The following IL1RL1 variants were observed in gnomAD, a reference collection of about 807,000 sequenced individuals.
IL1RL1 encodes interleukin-1 receptor-like 1.
Under a neutral mutation model 50.9 loss-of-function variants are expected in IL1RL1, and 32 were observed. The ratio of observed to expected loss-of-function variants is 0.63; its 90% CI spans 0.47 to 0.84. IL1RL1 has a LOEUF of 0.84. IL1RL1 is among the 40% of genes least tolerant of loss of function. The pLI is 0.00. For synonymous variants in IL1RL1, 275 were observed against 236.0 expected (o/e 1.17, Z -1.51); for missense variants, 773 against 662.9 (o/e 1.17, Z -1.82).
At chr2:102,323,584 A>C (rs1027598147) in intron 1 of IL1RL1, among the ~76,000 whole-genome samples, 1 of 151,960 alleles carries the variant, frequency 6.6e-6, no homozygotes, top group African/African-American at 2.4e-5. Context: ...GGGAGAGAAG[A>C]AGCAAGGGGT....
At chr2:102,352,349 C>G (rs1036437404), downstream of IL1RL1, among the ~76,000 whole-genome samples, 4 of 89,012 alleles carry the variant, frequency 4.5e-5, no homozygotes, top group Admixed American at 4.7e-4. Context: ...AATCTTGTTC[C>G]CAACATGCCA....
At chr2:102,325,096 C>T (rs561915403) in intron 1 of IL1RL1, among the ~76,000 whole-genome samples, 8 of 152,134 alleles carry the variant, frequency 5.3e-5, no homozygotes, top group Non-Finnish European at 1.0e-4. Context: ...CTGGGAGGCA[C>T]CCCCCAGTAG....
chr2:102,332,780 T>G (rs1362155789), intron 1 of IL1RL1, among the ~76,000 whole-genome samples: 1 of 152,202 alleles, frequency 6.6e-6, no homozygotes, highest in Non-Finnish European at 1.5e-5. Context: ...GTCACTAAAT[T>G]GTGCACTTCG....
At chr2:102,347,396 G>T (rs1677813203) in intron 8 of IL1RL1, among the ~76,000 whole-genome samples, 1 of 152,212 alleles carries the variant, frequency 6.6e-6, no homozygotes, top group South Asian at 2.1e-4. Context: ...AAGGCAATCT[G>T]CCTTAGTTGG....
chr2:102,322,085 T>A (rs1029167816), intron 1 of IL1RL1, among the ~76,000 whole-genome samples: 26 of 152,308 alleles, frequency 1.7e-4, no homozygotes, highest in African/African-American at 5.1e-4. Context: ...GGCCTGGCAG[T>A]CTAAAAGCTA....
At chr2:102,347,797 G>A in intron 8 of IL1RL1, 148 bp from the exon 9 acceptor site, 1 of 584,084 alleles carries the variant, frequency 1.7e-6, no homozygotes, top group South Asian at 2.1e-5. Flanking sequence ...AAATGTGACT[G>A]TCCTGGTACT....
At chr2:102,330,335 T>G (rs1677138226) in intron 1 of IL1RL1, among the ~76,000 whole-genome samples, 1 of 131,464 alleles carries the variant, frequency 7.6e-6, no homozygotes. Context: ...CACCACGGCC[T>G]GTTGTGGGGT....
intron 8 of IL1RL1, chr2:102,343,807 G>A: frequency 9.3e-7 from 1 of 1,080,268 alleles, no homozygotes; most frequent in Non-Finnish European, 1.1e-6. Flanking sequence ...TTGTAAGCAT[G>A]GTCCGTTCTA....
At chr2:102,323,854 T>C (rs1573133915) in intron 1 of IL1RL1, among the ~76,000 whole-genome samples, 1 of 152,180 alleles carries the variant, frequency 6.6e-6, no homozygotes, top group African/African-American at 2.4e-5. Flanking sequence ...ATCTCTCTCA[T>C]ACTCCTTTAT....
intron 8 of IL1RL1, chr2:102,344,952 T>C: frequency 1.0e-6 from 1 of 956,972 alleles, no homozygotes. Flanking sequence ...ATGAAACTGA[T>C]GAATCTTTAT....
chr2:102,343,233 C>G (rs1677644642), intron 7 of IL1RL1, 37 bp from the exon 8 acceptor site: 1 of 1,613,848 alleles, frequency 6.2e-7, no homozygotes, highest in Admixed American at 1.7e-5. Context: ...TTTGCACCTG[C>G]AAAGTAGGCA....
At chr2:102,335,340 C>T (rs1417118184) in intron 1 of IL1RL1, among the ~76,000 whole-genome samples, 2 of 152,038 alleles carry the variant, frequency 1.3e-5, no homozygotes, top group African/African-American at 4.8e-5. Context: ...CTTTACCAGC[C>T]TAATCTCTGG....
At chr2:102,341,177 T>A (rs1158551403) in intron 5 of IL1RL1, 11 of 1,106,196 alleles carry the variant, frequency 9.9e-6, no homozygotes, top group Non-Finnish European at 1.2e-5. Context: ...GCTTTTTTTT[T>A]TTTTTTCTAG....
chr2:102,311,999 ATAT>A (rs1196947032), intron 1 of IL1RL1, among the ~76,000 whole-genome samples: 45 of 28,762 alleles, frequency 1.6e-3, no homozygotes, highest in African/African-American at 8.9e-3. Context: ...TATATATAAT[ATAT>A]TTATATATAT....
chr2:102,323,296 A>G (rs866571776), intron 1 of IL1RL1, among the ~76,000 whole-genome samples: 95 of 143,602 alleles, frequency 6.6e-4, no homozygotes, highest in Admixed American at 9.6e-4. Context: ...GTGTGTGTGT[A>G]TATATATATG....
At position 102,343,738 on chromosome 2, in the gene IL1RL1, C is replaced by A. The variant is rs548457658; in HGVS notation, c.970+323C>A. On this transcript the variant is annotated intron_variant, in intron 8 of 10. Transcript: ENST00000233954. ...GTGTCACTGTATGTGAAAGGAAATG[C>A]ACCAACAACCGTAAACTGAACGTGT... 5.6e-6 allele frequency: 7 copies of A among 1,245,760 alleles called. No homozygotes were observed. The South Asian group carries it at 6.4e-5, about 11-fold the overall frequency. The allele number at this position is 1,245,760 out of a possible 1,614,324, so 77.2% of individuals were successfully genotyped here. A position where few individuals can be genotyped will look rare whatever the true frequency, so the allele number is the denominator to read the frequency against.
rs375754947 is a variant in IL1RL1, at chr2:102,338,959, A to G, written c.184A>G (p.Arg62Gly). Residue 62 changes from arginine (R) to glycine (G), a missense_variant, in exon 3 of 11, where the codon AGA becomes GGA. Coordinates refer to ENST00000233954, the MANE Select transcript of IL1RL1 (RefSeq NM_016232.5). ...QTNKSIPTQE[R>G]NRVFASGQLL... Reference sequence around the variant, plus strand: ...AAACAAAAGTATTCCCACTCAGGAAAGAAATCGTGTGTTTGCCTCAGGCCA... The same window carrying G: ...AAACAAAAGTATTCCCACTCAGGAAGGAAATCGTGTGTTTGCCTCAGGCCA... The G allele has an allele frequency of 2.0e-5, 32 of 1,613,996 alleles. No homozygotes were observed. The highest frequency in any genetic ancestry group is 2.6e-5 in the Non-Finnish European group (31 of 1,179,918).
Position 102,343,043 on chromosome 2 carries a change from C to G in IL1RL1, c.690C>G (p.Asn230Lys). 6.2e-7 allele frequency: 1 copy of G among 1,613,710 alleles called. No individual in the cohort carries two copies. The highest frequency in any genetic ancestry group is 8.5e-7 in the Non-Finnish European group (1 of 1,179,898). The stretch of plus-strand genomic sequence containing the variant: ...GTCCTTACTCCCCTCTAGGAAAAAA[C>G]GCAAACCTAACTTGCTCTGCTTGTT... The part of the protein sequence containing the change: ...NEIKEVEIGK[N>K]ANLTCSACFG... Residue 230 changes from asparagine (N) to lysine (K), a missense_variant, in exon 7 of 11, where the codon AAC becomes AAG. Physicochemically the swap from Asn to Lys is moderately conservative, Grantham distance 94. Coordinates refer to ENST00000233954, the MANE Select transcript of IL1RL1 (RefSeq NM_016232.5).
rs374184169 is a variant in IL1RL1, at chr2:102,322,803, T to A, written c.-150+11180T>A. Among the ~76,000 whole-genome samples the A allele has an allele frequency of 1.4e-3, 219 of 152,320 alleles. 2 individuals are homozygous for A. Among genetic ancestry groups the A allele is most frequent in the African/African-American group, 5.1e-3 (211 of 41,564 alleles). On this transcript the variant is annotated intron_variant, in intron 1 of 10. Coordinates refer to ENST00000233954, the MANE Select transcript of IL1RL1 (RefSeq NM_016232.5). ...CTTCCCAGAGAGTTGCCCTCACACC[T>A]TTCCAATCAAATTTCCACATACTCT...
Sources: gnomAD v4.1 joint callset for allele counts (sites outside exome capture counted in the v4.1 genomes callset) on GRCh38, gnomAD v4.1.1 for gene constraint, MANE v1.5 for transcripts, NCBI Gene and HGNC (gene_info 2026-07-23, HGNC 2026-07-21) for gene names.